Variants in KIAA1958 observed in about 807,000 individuals in gnomAD.
The protein encoded by KIAA1958 is KIAA1958.
KIAA1958 carries 14 observed loss-of-function variants against 47.2 expected under a neutral mutation model. The observed-to-expected ratio is 0.30, with a 90% CI of 0.20 to 0.46. The LOEUF is 0.46. Ranked by LOEUF, KIAA1958 falls within the 20% of genes least tolerant of loss-of-function variation. KIAA1958 has a pLI of 1.00. For synonymous variants in KIAA1958, 354 were observed against 353.3 expected, an observed-to-expected ratio of 1.00 and a Z score of -0.02; for missense variants, 803 against 909.2, an observed-to-expected ratio of 0.88 and a Z score of 1.50.
intron 1 of KIAA1958, among the ~76,000 whole-genome samples, chr9:112,497,071 C>T (rs542336135): frequency 6.6e-6 from 1 of 152,292 alleles, no homozygotes; most frequent in Non-Finnish European, 1.5e-5. Flanking sequence ...TGTAGATTCA[C>T]TTACAGTTGT....
chr9:112,554,501 C>CAATAAT (rs58420693), intron 1 of KIAA1958, among the ~76,000 whole-genome samples: 54 of 150,454 alleles, frequency 3.6e-4, no homozygotes, highest in East Asian at 2.0e-3. Flanking sequence ...GACTCCATCT[C>CAATAAT]AATAATAATA....
intron 2 of KIAA1958, among the ~76,000 whole-genome samples, chr9:112,589,651 C>A (rs1835885038): frequency 6.6e-6 from 1 of 152,156 alleles, no homozygotes; most frequent in Non-Finnish European, 1.5e-5. Context: ...AGGTTTATGT[C>A]CTACTAGGCC....
At chr9:112,616,948 T>G (rs1836417123) in intron 2 of KIAA1958, among the ~76,000 whole-genome samples, 1 of 152,210 alleles carries the variant, frequency 6.6e-6, no homozygotes, top group African/African-American at 2.4e-5. Context: ...AAGATACAGA[T>G]TCCTACACCT....
At chr9:112,506,058 T>G (rs1834229882) in intron 1 of KIAA1958, among the ~76,000 whole-genome samples, 1 of 152,178 alleles carries the variant, frequency 6.6e-6, no homozygotes, top group Non-Finnish European at 1.5e-5. Flanking sequence ...AATGAACAAA[T>G]TGTGTTTCTA....
intron 1 of KIAA1958, among the ~76,000 whole-genome samples, chr9:112,537,230 C>T (rs1002349200): frequency 1.3e-4 from 20 of 152,064 alleles, no homozygotes; most frequent in Admixed American, 1.2e-3. Context: ...CTCAGCCTCC[C>T]GAGTAACTGG....
At chr9:112,511,996 T>A (rs1429594694) in intron 1 of KIAA1958, among the ~76,000 whole-genome samples, 1 of 152,224 alleles carries the variant, frequency 6.6e-6, no homozygotes, top group Non-Finnish European at 1.5e-5. Context: ...ACCTGAGCAG[T>A]CCTGTATCTG....
intron 1 of KIAA1958, among the ~76,000 whole-genome samples, chr9:112,539,754 G>A (rs1193920647): frequency 2.0e-5 from 3 of 152,076 alleles, no homozygotes; most frequent in African/African-American, 2.4e-5. Context: ...GCAGTGGCAC[G>A]ATCTTGGCTC....
At chr9:112,534,810 C>G (rs11793325) in intron 1 of KIAA1958, among the ~76,000 whole-genome samples, 1 of 152,194 alleles carries the variant, frequency 6.6e-6, no homozygotes, top group East Asian at 1.9e-4. Flanking sequence ...TCCCAAAGTG[C>G]TGGGATTACA....
At chr9:112,630,089 G>A (rs1836682638) in intron 2 of KIAA1958, among the ~76,000 whole-genome samples, 1 of 152,068 alleles carries the variant, frequency 6.6e-6, no homozygotes, top group Non-Finnish European at 1.5e-5. Context: ...ACTGAAGTTG[G>A]GGGGAAGCCC....
chr9:112,619,093 A>G (rs1379089791), intron 2 of KIAA1958: 3 of 523,798 alleles, frequency 5.7e-6, no homozygotes, highest in Non-Finnish European at 7.6e-6. Context: ...AGTATTACTA[A>G]CATAGTATTT....
intron 1 of KIAA1958, among the ~76,000 whole-genome samples, chr9:112,531,861 G>A (rs1834757608): frequency 6.6e-6 from 1 of 152,210 alleles, no homozygotes; most frequent in Non-Finnish European, 1.5e-5. Context: ...TTGATGTATT[G>A]AAACCATGAC....
intron 2 of KIAA1958, among the ~76,000 whole-genome samples, chr9:112,625,047 C>G (rs931372220): frequency 3.3e-5 from 5 of 151,818 alleles, no homozygotes; most frequent in African/African-American, 1.2e-4. Flanking sequence ...CTTTGAGACT[C>G]ACTAGACTGA....
At chr9:112,542,161 A>C (rs1414484815) in intron 1 of KIAA1958, among the ~76,000 whole-genome samples, 1 of 152,184 alleles carries the variant, frequency 6.6e-6, no homozygotes, top group African/African-American at 2.4e-5. Flanking sequence ...TATGGTCAAG[A>C]GTACAGACCA....
At chr9:112,636,257 C>T (rs1836802997) in intron 2 of KIAA1958, among the ~76,000 whole-genome samples, 1 of 151,482 alleles carries the variant, frequency 6.6e-6, no homozygotes, top group African/African-American at 2.4e-5. Context: ...AGATCATATT[C>T]TGAATTATTT....
At chr9:112,528,774 C>T (rs1289785255) in intron 1 of KIAA1958, among the ~76,000 whole-genome samples, 1 of 152,206 alleles carries the variant, frequency 6.6e-6, no homozygotes, top group Admixed American at 6.5e-5. Context: ...CCACCTCAGC[C>T]TCCTAAGGTG....
At chr9:112,503,834 A>G (rs1834185838) in intron 1 of KIAA1958, among the ~76,000 whole-genome samples, 1 of 151,970 alleles carries the variant, frequency 6.6e-6, no homozygotes, top group Non-Finnish European at 1.5e-5. Flanking sequence ...TCCTTCCCTG[A>G]TCATGACTGT....
rs760077563 is a variant in KIAA1958 at position 112,659,530 on chromosome 9, G to A, written c.1612G>A (p.Glu538Lys). 4.3e-6 allele frequency: 7 copies of A among 1,613,142 alleles called. No individual in the cohort carries two copies. The highest frequency in any genetic ancestry group is 4.5e-5 in the East Asian group (2 of 44,848). ...RNIVYFSLSD[E>K]EEMWQAGCLG... ...CATCGTCTACTTCTCCCTTTCTGACGAGGAGGAGATGTGGCAGGCAGGGTG... is the reference window on the plus strand; with the variant it reads ...CATCGTCTACTTCTCCCTTTCTGACAAGGAGGAGATGTGGCAGGCAGGGTG... The change falls in exon 4 of 4, where the codon GAG becomes AAG. Residue 538 changes from glutamate to lysine, a missense_variant. This residue lies in a region of KIAA1958 where 761 missense variants were observed against 829.3 expected (regional missense o/e 0.92). Transcript: ENST00000337530.
chr9:112,571,721 CAGG>C (rs1161355419), intron 1 of KIAA1958, among the ~76,000 whole-genome samples: 1 of 151,422 alleles, frequency 6.6e-6, no homozygotes, highest in Non-Finnish European at 1.5e-5. Context: ...GAGGCTGAGA[CAGG>C]AGAATTGCTT....
In KIAA1958 at chr9:112,664,272, A is replaced by G. The variant is rs536889123; in HGVS notation, c.*4203A>G. On this transcript the variant is annotated 3_prime_UTR_variant, in exon 4 of 4. Transcript: ENST00000337530. ...TAAAATTATTTTGCTATCTCGAAGC[A>G]GCAGAATATTGATCATTTTTCTCAG... The G allele has an allele frequency of 4.6e-5, 7 of 152,382 alleles. No individual in the cohort carries two copies. The highest frequency in any genetic ancestry group is 1.7e-4 in the African/African-American group (7 of 41,590). The allele number at this position is 152,382 out of a possible 1,614,324, so 9.4% of individuals were successfully genotyped here.
Sources: gnomAD v4.1 joint callset for allele counts (sites outside exome capture counted in the v4.1 genomes callset) on GRCh38, gnomAD v4.1.1 for gene constraint, gnomAD v4.1.1 regional missense constraint, MANE v1.5 for transcripts, NCBI Gene and HGNC (gene_info 2026-07-23, HGNC 2026-07-21) for gene names.